The following PTPRD variants were observed in gnomAD, a reference collection of about 807,000 sequenced individuals.
The protein encoded by PTPRD is protein tyrosine phosphatase receptor type D, also known as receptor-type tyrosine-protein phosphatase delta.
PTPRD carries 34 observed loss-of-function variants against 214.5 expected under a neutral mutation model. The observed-to-expected ratio is 0.16, with a 90% CI of 0.12 to 0.21. The LOEUF is 0.21. Ranked by LOEUF, PTPRD falls within the 10% of genes least tolerant of loss-of-function variation. PTPRD has a pLI of 1.00. For synonymous variants in PTPRD, 1,128 were observed against 845.7 expected (o/e 1.33, Z -5.79); for missense variants, 2,545 against 2,398.7 (o/e 1.06, Z -1.27).
intron 11 of PTPRD, among the ~76,000 whole-genome samples, chr9:9,011,553 G>C (rs946675550): frequency 6.6e-6 from 1 of 152,034 alleles, no homozygotes; most frequent in Admixed American, 6.6e-5. Flanking sequence ...AAGAAAGAGG[G>C]TCACATGCTA....
chr9:9,967,550 A>T (rs1217287625), intron 4 of PTPRD, among the ~76,000 whole-genome samples: 2 of 152,196 alleles, frequency 1.3e-5, no homozygotes, highest in Non-Finnish European at 2.9e-5. Context: ...TTCAATCCTT[A>T]CAGTGACCAT....
At chr9:8,480,544 T>C (rs567134990) in intron 30 of PTPRD, among the ~76,000 whole-genome samples, 20 of 152,308 alleles carry the variant, frequency 1.3e-4, no homozygotes, top group South Asian at 6.2e-4. Context: ...AACATTAACG[T>C]TGACTATTAG....
chr9:10,253,165 T>A (rs555064518), intron 3 of PTPRD, among the ~76,000 whole-genome samples: 1 of 152,164 alleles, frequency 6.6e-6, no homozygotes, highest in Non-Finnish European at 1.5e-5. Flanking sequence ...ATTAAAAAAA[T>A]TTCTGATATG....
intron 25 of PTPRD, among the ~76,000 whole-genome samples, chr9:8,497,848 A>G (rs973412412): frequency 6.6e-6 from 1 of 152,246 alleles, no homozygotes; most frequent in African/African-American, 2.4e-5. Flanking sequence ...ATATTTTGCA[A>G]TGGAACTAGG....
chr9:9,784,600 G>T (rs1461481045), intron 5 of PTPRD, among the ~76,000 whole-genome samples: 1 of 151,846 alleles, frequency 6.6e-6, no homozygotes, highest in Non-Finnish European at 1.5e-5. Context: ...CTTATTTCAA[G>T]ATTTTTTAAA....
At position 8,528,736 on chromosome 9, in the gene PTPRD, T is replaced by C. The variant is rs199986855; in HGVS notation, c.396A>G (p.Pro132=). Reference sequence around the variant, plus strand: ...GAGTACGCTCAACCACCTTCAACTGTGGGCCCATGTCAATGGTAGGGAAGC... The same window carrying C: ...GAGTACGCTCAACCACCTTCAACTGCGGGCCCATGTCAATGGTAGGGAAGC... ...PRGFPTIDMG[P]QLKVVERTRT... The change falls in exon 15 of 46, where the codon CCA becomes CCG. Residue 132 remains proline, a synonymous_variant. Coordinates refer to ENST00000381196, the MANE Select transcript of PTPRD (RefSeq NM_002839.4). The C allele has an allele frequency of 6.2e-6, 10 of 1,613,574 alleles. No homozygotes were observed. The Admixed American group carries it at 1.5e-4, about 24-fold the overall frequency.
At chr9:8,477,162 T>C (rs1172030788) in intron 30 of PTPRD, among the ~76,000 whole-genome samples, 1 of 152,070 alleles carries the variant, frequency 6.6e-6, no homozygotes, top group Non-Finnish European at 1.5e-5. Flanking sequence ...TAGCTTTATA[T>C]ATGGGTAAAA....
intron 6 of PTPRD, among the ~76,000 whole-genome samples, chr9:9,748,921 C>T (rs181953920): frequency 1.1e-4 from 16 of 152,182 alleles, no homozygotes; most frequent in Admixed American, 9.8e-4. Flanking sequence ...CTACTGTAAT[C>T]TACATTTGAC....
intron 3 of PTPRD, among the ~76,000 whole-genome samples, chr9:10,160,910 T>A (rs997594239): frequency 2.6e-5 from 4 of 151,940 alleles, no homozygotes; most frequent in African/African-American, 9.7e-5. Context: ...TCAGTAGCAG[T>A]TATATAATTC....
chr9:10,048,446 C>T (rs1297220521), intron 3 of PTPRD, among the ~76,000 whole-genome samples: 1 of 152,132 alleles, frequency 6.6e-6, no homozygotes, highest in Non-Finnish European at 1.5e-5. Flanking sequence ...TTGACCTGTG[C>T]TTCTGACCAT....
At chr9:10,500,699 C>T (rs562827291) in intron 2 of PTPRD, among the ~76,000 whole-genome samples, 2 of 151,916 alleles carry the variant, frequency 1.3e-5, no homozygotes, top group South Asian at 2.1e-4. Flanking sequence ...CAACCCCTCC[C>T]CAACTACCCT....
intron 35 of PTPRD, among the ~76,000 whole-genome samples, chr9:8,424,150 A>G (rs2094521721): frequency 6.6e-6 from 1 of 152,152 alleles, no homozygotes; most frequent in African/African-American, 2.4e-5. Context: ...AAAAGCAAAA[A>G]TAAAATATAA....
At chr9:10,229,378 T>C (rs1054764261) in intron 3 of PTPRD, among the ~76,000 whole-genome samples, 7 of 152,014 alleles carry the variant, frequency 4.6e-5, no homozygotes, top group African/African-American at 1.7e-4. Flanking sequence ...CTATAAATCA[T>C]GCTGCTATAA....
At chr9:8,921,993 A>C (rs2098831314) in intron 11 of PTPRD, among the ~76,000 whole-genome samples, 1 of 152,194 alleles carries the variant, frequency 6.6e-6, no homozygotes, top group Non-Finnish European at 1.5e-5. Flanking sequence ...AGACAGATAG[A>C]ATCCCAGTCT....
chr9:10,270,000 A>T (rs2154381943), intron 3 of PTPRD, among the ~76,000 whole-genome samples: 1 of 152,176 alleles, frequency 6.6e-6, no homozygotes, highest in African/African-American at 2.4e-5. Flanking sequence ...GCTTCTTGAG[A>T]GGAGGAAATA....
rs148668325 is a variant in PTPRD, at chr9:8,858,557, G to C, written c.-103-124611C>G. On this transcript the variant is annotated intron_variant, in intron 11 of 45. Transcript: ENST00000381196. The stretch of plus-strand genomic sequence containing the variant: ...CTTCTCTCTTTGTTTCCTTGTGTGG[G>C]TGATTTCTAAAATCCTCGTAACGTG... 2.7e-3 allele frequency among the ~76,000 whole-genome samples: 411 copies of C among 152,274 alleles called. 1 individual carries two copies. Among genetic ancestry groups the C allele is most frequent in the Non-Finnish European group, 4.8e-3 (326 of 68,024 alleles).
chr9:9,797,969 A>G lies in PTPRD; in HGVS notation c.-367-31118T>C, dbSNP rs114394218. Among the ~76,000 whole-genome samples, 640 of 152,328 alleles carry G rather than the reference A, an allele frequency of 4.2e-3. 6 individuals carry two copies. The highest frequency in any genetic ancestry group is 0.015 in the African/African-American group (617 of 41,574). ...AGTAAGTTAAAGAGTTAATGTCTGA[A>G]TACACGAATGTTCTTGATCATATTA... On this transcript the variant is annotated intron_variant, in intron 5 of 45. Coordinates refer to ENST00000381196, the MANE Select transcript of PTPRD (RefSeq NM_002839.4).
In PTPRD at chr9:8,420,802, T is replaced by C. The variant is rs530302867; in HGVS notation, c.4086+15790A>G. The stretch of plus-strand genomic sequence containing the variant: ...AGACATGAATACTACAGATCATTTT[T>C]CTTTTTTTTTTTTTTTAAAAAAAGA... On this transcript the variant is annotated intron_variant, in intron 35 of 45. Transcript: ENST00000381196. Among the ~76,000 whole-genome samples the C allele has an allele frequency of 2.9e-3, 389 of 133,212 alleles. 1 individual carries two copies. Among genetic ancestry groups the C allele is most frequent in the African/African-American group, 9.6e-3 (365 of 38,010 alleles). The allele number at this position is 133,212 out of a possible 152,430, so 87.4% of individuals were successfully genotyped here.
At position 8,518,272 on chromosome 9, in the gene PTPRD, C is replaced by T. The variant is rs2138562521; in HGVS notation, c.1119G>A (p.Val373=). The T allele has an allele frequency of 5.6e-6, 9 of 1,614,134 alleles. No individual in the cohort carries two copies. The highest frequency in any genetic ancestry group is 6.8e-6 in the Non-Finnish European group (8 of 1,180,026). The part of the protein sequence containing the change: ...SEELYKEIDG[V]ATTRYSVAGL... ...CAGCGACACTGTAGCGTGTGGTCGC[C>T]ACCCCATCAATTTCTTTGTAAAGTT... Residue 373 remains valine (V), a synonymous_variant, in exon 21 of 46, where the codon GTG becomes GTA. Transcript: ENST00000381196.
Sources: allele counts gnomAD v4.1 joint callset (sites outside exome capture counted in the v4.1 genomes callset), GRCh38; gene constraint gnomAD v4.1.1; transcripts MANE v1.5; gene names NCBI Gene and HGNC (gene_info 2026-07-23, HGNC 2026-07-21).